NCOA1: variants seen among roughly 807,000 people sequenced by gnomAD.
The protein encoded by NCOA1 is nuclear receptor coactivator 1.
NCOA1 carries 35 observed loss-of-function variants against 150.9 expected under a neutral mutation model. The ratio of observed to expected loss-of-function variants is 0.23; its 90% CI spans 0.18 to 0.31. The LOEUF is 0.31. Ranked by LOEUF, NCOA1 falls within the 10% of genes least tolerant of loss-of-function variation. The pLI is 1.00. For missense variants in NCOA1, 1,491 were observed against 1,749.3 expected (o/e 0.85, Z 2.63); for synonymous variants, 590 against 630.0 (o/e 0.94, Z 0.95).
chr2:24,633,792 T>G (rs1669812161), intron 3 of NCOA1, among the ~76,000 whole-genome samples: 2 of 152,260 alleles, frequency 1.3e-5, no homozygotes, highest in East Asian at 3.9e-4. Context: ...GCAAGTGGAG[T>G]TGGACATATG....
chr2:24,707,986 T>G, intron 13 of NCOA1, 98 bp downstream of exon 13: 1 of 1,395,776 alleles, frequency 7.2e-7, no homozygotes, highest in South Asian at 1.5e-5. Context: ...TCATACTATG[T>G]TTTATCCTAT....
Position 24,658,658 on chromosome 2 carries a change from T to A in NCOA1, c.-17-3T>A, listed in dbSNP as rs1003327072. On this transcript the variant is annotated splice_polypyrimidine_tract_variant and splice_region_variant and intron_variant, in intron 4 of 22. Coordinates refer to ENST00000348332, the MANE Select transcript of NCOA1 (RefSeq NM_003743.5). ...ATTTCTTACTGTTGTCCTTCCTGTT[T>A]AGGTGTGAAGTTTTTCAACATGAGT... 6.2e-7 allele frequency: 1 copy of A among 1,607,964 alleles called. No individual in the cohort carries two copies. Among genetic ancestry groups the A allele is most frequent in the African/African-American group, 1.3e-5 (1 of 74,756 alleles).
At chr2:24,562,347 C>T (rs940162234) in intron 1 of NCOA1, among the ~76,000 whole-genome samples, 14 of 152,182 alleles carry the variant, frequency 9.2e-5, no homozygotes, top group Admixed American at 2.6e-4. Flanking sequence ...TTGGATTTCA[C>T]ATTCTCAACT....
intron 3 of NCOA1, among the ~76,000 whole-genome samples, chr2:24,640,518 A>G (rs966255935): frequency 6.6e-6 from 1 of 152,148 alleles, no homozygotes; most frequent in Admixed American, 6.5e-5. Context: ...TGCATAACTT[A>G]TGATTCTGGC....
rs770774837 is a variant in NCOA1 at position 24,768,247 on chromosome 2, T to C, written c.4182T>C (p.Ala1394=). Residue 1394 remains alanine (A), a synonymous_variant, in exon 23 of 23, where the codon GCT becomes GCC. Coordinates refer to ENST00000348332, the MANE Select transcript of NCOA1 (RefSeq NM_003743.5). ...AGGTGCAACAGGTTCAGGTGTTTGC[T>C]GACGTCCAGTGTACAGTGAATCTGG... ...TQQVQQVQVF[A]DVQCTVNLVG... 10 of 1,613,300 alleles carry C rather than the reference T, an allele frequency of 6.2e-6. No homozygotes were observed. The South Asian group carries it at 1.1e-4, about 18-fold the overall frequency.
At position 24,743,541 on chromosome 2, in the gene NCOA1, A is replaced by T. The variant is rs540233063; in HGVS notation, c.3706+1355A>T. ...TATCTGTGTGGGCGAGAAAAGGATT[A>T]TAAATCCATATTTTAATTATATGGT... is the stretch of plus-strand genomic sequence containing the variant. On this transcript the variant is annotated intron_variant, in intron 19 of 22. Coordinates refer to ENST00000348332, the MANE Select transcript of NCOA1 (RefSeq NM_003743.5). Among the ~76,000 whole-genome samples, 132 of 152,354 alleles carry T rather than the reference A, an allele frequency of 8.7e-4. 1 individual carries two copies. The South Asian group carries it at 0.026, about 30-fold the overall frequency.
chr2:24,504,167 G>C (rs913681411), intron 1 of NCOA1, among the ~76,000 whole-genome samples: 5 of 152,190 alleles, frequency 3.3e-5, no homozygotes, highest in African/African-American at 1.2e-4. Context: ...ATGATACTAG[G>C]AGCCTAGTAT....
At position 24,718,047 on chromosome 2, in the gene NCOA1, C is replaced by T. The variant is rs192739334; in HGVS notation, c.2599+6936C>T. ...AAGTAGCTGGGATTACAGGTGTGCA[C>T]CACTATGCCTGGATAATTTTTTTTG... On this transcript the variant is annotated intron_variant, in intron 14 of 22. Coordinates refer to ENST00000348332, the MANE Select transcript of NCOA1 (RefSeq NM_003743.5). 1.9e-3 allele frequency among the ~76,000 whole-genome samples: 288 copies of T among 151,966 alleles called. 6 individuals carry two copies. The highest frequency in any genetic ancestry group is 5.0e-4 in the Non-Finnish European group (34 of 67,976).
intron 2 of NCOA1, among the ~76,000 whole-genome samples, chr2:24,583,323 A>G (rs1667276888): frequency 6.6e-6 from 1 of 152,142 alleles, no homozygotes; most frequent in Non-Finnish European, 1.5e-5. Flanking sequence ...TTCAGTAATC[A>G]TTAGGGAAAT....
At chr2:24,757,553 A>G (rs541603651) in intron 20 of NCOA1, among the ~76,000 whole-genome samples, 1 of 152,244 alleles carries the variant, frequency 6.6e-6, no homozygotes, top group Admixed American at 6.5e-5. Context: ...TCTTTGAATC[A>G]TTCATTCGTG....
intron 1 of NCOA1, among the ~76,000 whole-genome samples, chr2:24,501,066 A>G (rs1416801856): frequency 6.6e-6 from 1 of 152,234 alleles, no homozygotes; most frequent in Non-Finnish European, 1.5e-5. Flanking sequence ...GAAAACACAA[A>G]AAGGCAATAC....
intron 1 of NCOA1, among the ~76,000 whole-genome samples, chr2:24,548,364 C>T (rs901829392): frequency 5.3e-5 from 8 of 152,226 alleles, no homozygotes; most frequent in Non-Finnish European, 1.2e-4. Context: ...TCCTGTGATT[C>T]AATTACCTCC....
chr2:24,611,766 T>C (rs977588816), intron 3 of NCOA1, among the ~76,000 whole-genome samples: 1 of 152,232 alleles, frequency 6.6e-6, no homozygotes, highest in African/African-American at 2.4e-5. Flanking sequence ...TTCATTTACA[T>C]GATAGATCTT....
At chr2:24,747,596 T>C (rs1572677774) in intron 19 of NCOA1, among the ~76,000 whole-genome samples, 1 of 152,106 alleles carries the variant, frequency 6.6e-6, no homozygotes, top group African/African-American at 2.4e-5. Flanking sequence ...CCCAAAGCAC[T>C]GGGGTTACAG....
At chr2:24,600,315 A>C (rs1668061653) in intron 3 of NCOA1, among the ~76,000 whole-genome samples, 1 of 152,042 alleles carries the variant, frequency 6.6e-6, no homozygotes, top group African/African-American at 2.4e-5. Context: ...AAGCCATCCT[A>C]CTGCCTCAGT....
chr2:24,613,349 C>A (rs947024088), intron 3 of NCOA1, among the ~76,000 whole-genome samples: 1 of 152,170 alleles, frequency 6.6e-6, no homozygotes, highest in Non-Finnish European at 1.5e-5. Flanking sequence ...TGGGCTGATA[C>A]GTGGAGTGCA....
intron 4 of NCOA1, among the ~76,000 whole-genome samples, chr2:24,657,175 T>C (rs1296737088): frequency 6.6e-6 from 1 of 152,234 alleles, no homozygotes; most frequent in African/African-American, 2.4e-5. Context: ...GCAAATCTAG[T>C]TGACTCCTTA....
chr2:24,695,311 A>G (rs1434467228), intron 10 of NCOA1, among the ~76,000 whole-genome samples: 2 of 152,204 alleles, frequency 1.3e-5, no homozygotes, highest in Non-Finnish European at 2.9e-5. Flanking sequence ...GGAACCTCCA[A>G]TATCACAGAA....
intron 19 of NCOA1, among the ~76,000 whole-genome samples, chr2:24,750,759 G>A (rs192803022): frequency 3.2e-4 from 49 of 152,020 alleles, no homozygotes; most frequent in Non-Finnish European, 4.0e-4. Context: ...TGGTAATGGC[G>A]GCACAACTCT....
Sources: allele counts gnomAD v4.1 joint callset (sites outside exome capture counted in the v4.1 genomes callset), GRCh38; gene constraint gnomAD v4.1.1; transcripts MANE v1.5; gene names NCBI Gene and HGNC (gene_info 2026-07-23, HGNC 2026-07-21).